Variants in FRMD4B observed in about 807,000 individuals in gnomAD.
FRMD4B encodes the protein FERM domain-containing protein 4B.
FRMD4B carries 74 observed loss-of-function variants against 141.5 expected under a neutral mutation model. That is an observed-to-expected ratio of 0.52 (90% confidence interval 0.43 to 0.63). FRMD4B has a LOEUF of 0.63. Ranked by LOEUF, FRMD4B falls within the 30% of genes least tolerant of loss-of-function variation. The pLI is 0.00. For synonymous variants in FRMD4B, 506 were observed against 467.9 expected, an observed-to-expected ratio of 1.08 and a Z score of -1.05; for missense variants, 1,366 against 1,253.4, an observed-to-expected ratio of 1.09 and a Z score of -1.36.
At chr3:69,528,393 G>C (rs11917850) in intron 1 of FRMD4B, among the ~76,000 whole-genome samples, 36,258 of 149,058 alleles carry the variant, frequency 0.24, 4,654 homozygotes, top group African/African-American at 0.32. Context: ...GAGACACAGT[G>C]TCACTCTGTT....
chr3:69,518,715 G>A (rs1205346561), intron 1 of FRMD4B, among the ~76,000 whole-genome samples: 2 of 152,170 alleles, frequency 1.3e-5, no homozygotes, highest in African/African-American at 2.4e-5. Flanking sequence ...TTTTGAAGGT[G>A]AGCCAGTTAG....
intron 1 of FRMD4B, among the ~76,000 whole-genome samples, chr3:69,342,339 T>G (rs1702767371): frequency 6.6e-6 from 1 of 152,226 alleles, no homozygotes. Flanking sequence ...TGATCTCATG[T>G]GTCCAAATGA....
At chr3:69,468,705 C>G (rs1475688271) in intron 1 of FRMD4B, among the ~76,000 whole-genome samples, 1 of 152,154 alleles carries the variant, frequency 6.6e-6, no homozygotes, top group Non-Finnish European at 1.5e-5. Context: ...TGCTACTAGT[C>G]TGAAGATGAA....
rs189432634 is a variant in FRMD4B at position 69,295,873 on chromosome 3, A to G, written c.416+6470T>C. Among the ~76,000 whole-genome samples, 288 of 151,996 alleles carry G rather than the reference A, an allele frequency of 1.9e-3. 1 individual carries two copies. Among genetic ancestry groups the G allele is most frequent in the Non-Finnish European group, 3.2e-3 (217 of 67,962 alleles). On this transcript the variant is annotated intron_variant, in intron 4 of 22. Coordinates refer to ENST00000398540, the MANE Select transcript of FRMD4B (RefSeq NM_015123.3). ...GCTCTGTTGCCCAGGCTGCAGTGCA[A>G]TGGCGTGATCTTGGCTCACTACAAC...
intron 1 of FRMD4B, among the ~76,000 whole-genome samples, chr3:69,485,385 A>C (rs1408818374): frequency 6.6e-6 from 1 of 152,096 alleles, no homozygotes; most frequent in African/African-American, 2.4e-5. Context: ...CTGGAGCTGC[A>C]CCAGGGTGGG....
chr3:69,526,980 C>A (rs2107144807), intron 1 of FRMD4B, among the ~76,000 whole-genome samples: 1 of 152,282 alleles, frequency 6.6e-6, no homozygotes, highest in South Asian at 2.1e-4. Flanking sequence ...ACTTCAAATT[C>A]CCAGGTCTTT....
chr3:69,444,052 C>G (rs1705376051), intron 1 of FRMD4B, among the ~76,000 whole-genome samples: 4 of 152,194 alleles, frequency 2.6e-5, no homozygotes, highest in Admixed American at 2.6e-4. Context: ...GTGGCCCCCA[C>G]CCAGAGGCTG....
intron 1 of FRMD4B, among the ~76,000 whole-genome samples, chr3:69,327,238 C>T (rs1702216785): frequency 3.3e-5 from 5 of 152,204 alleles, no homozygotes; most frequent in Admixed American, 3.3e-4. Context: ...CCGTGAAAAA[C>T]AACCTGTAGG....
intron 1 of FRMD4B, among the ~76,000 whole-genome samples, chr3:69,533,380 A>G (rs1344192058): frequency 6.6e-6 from 1 of 152,096 alleles, no homozygotes; most frequent in Non-Finnish European, 1.5e-5. Context: ...TAGCTGTGTG[A>G]TTTTGGACAA....
chr3:69,512,707 C>T (rs1706708967), intron 1 of FRMD4B, among the ~76,000 whole-genome samples: 6 of 152,174 alleles, frequency 3.9e-5, no homozygotes, highest in Admixed American at 3.9e-4. Flanking sequence ...ATGAACACAG[C>T]TGATTGCAAA....
At chr3:69,496,637 A>AGAGAGAGAGAGAGAG (rs1706399949) in intron 1 of FRMD4B, among the ~76,000 whole-genome samples, 3 of 56,520 alleles carry the variant, frequency 5.3e-5, no homozygotes, top group Non-Finnish European at 3.3e-5. Context: ...GAGAGAGAGA[A>AGAGAGAGAGAGAGAG]AGAGAGAGAG....
intron 1 of FRMD4B, among the ~76,000 whole-genome samples, chr3:69,534,055 A>C (rs778130968): frequency 2.6e-5 from 4 of 152,230 alleles, no homozygotes; most frequent in Non-Finnish European, 5.9e-5. Context: ...TTAGAAATGC[A>C]GTCTCAGGCC....
intron 1 of FRMD4B, among the ~76,000 whole-genome samples, chr3:69,445,544 C>T (rs1019192381): frequency 1.9e-4 from 29 of 152,230 alleles, no homozygotes; most frequent in African/African-American, 6.8e-4. Flanking sequence ...TAGACTAACA[C>T]TTAAACTCCA....
chr3:69,355,165 T>C (rs1053469422), intron 1 of FRMD4B, among the ~76,000 whole-genome samples: 2 of 152,186 alleles, frequency 1.3e-5, no homozygotes, highest in Admixed American at 6.5e-5. Flanking sequence ...AAGAGGACTT[T>C]TGTTCCAGTG....
At chr3:69,192,668 G>T (rs2092851070) in intron 17 of FRMD4B, among the ~76,000 whole-genome samples, 1 of 152,116 alleles carries the variant, frequency 6.6e-6, no homozygotes, top group Non-Finnish European at 1.5e-5. Context: ...TTTCACAACT[G>T]TTAGTATTTT....
chr3:69,395,379 C>T (rs948941925), intron 2 of FRMD4B, among the ~76,000 whole-genome samples: 1 of 152,028 alleles, frequency 6.6e-6, no homozygotes, highest in African/African-American at 2.4e-5. Flanking sequence ...CCTAGGTGTA[C>T]ATAGTACTGA....
In FRMD4B at chr3:69,196,341, GTC is replaced by G; in HGVS notation, c.1146_1147del (p.Glu382AspfsTer23). On this transcript the variant is annotated frameshift_variant, in exon 14 of 23. Transcript: ENST00000398540. LOFTEE classifies it high-confidence loss of function. The stretch of plus-strand genomic sequence containing the variant: ...CAGCTTGGAGGCCCTTTGTGTTCCT[GTC>G]TCTGTCAAATCCATTGCAATCTCAT... The G allele has an allele frequency of 1.2e-6, 2 of 1,610,942 alleles. No homozygotes were observed. Among genetic ancestry groups the G allele is most frequent in the Non-Finnish European group, 1.7e-6 (2 of 1,178,402 alleles).
chr3:69,275,987 A>G (rs2093616289), intron 5 of FRMD4B, among the ~76,000 whole-genome samples: 1 of 152,162 alleles, frequency 6.6e-6, no homozygotes, highest in South Asian at 2.1e-4. Flanking sequence ...ATAATACTAT[A>G]TTGACTGTTC....
chr3:69,539,143 A>T (rs1701128325), intron 1 of FRMD4B, among the ~76,000 whole-genome samples: 1 of 152,232 alleles, frequency 6.6e-6, no homozygotes, highest in Non-Finnish European at 1.5e-5. Flanking sequence ...GTGTAAGATA[A>T]CTATGAAGAT....
Sources: allele counts gnomAD v4.1 joint callset (sites outside exome capture counted in the v4.1 genomes callset), GRCh38; gene constraint gnomAD v4.1.1; transcripts MANE v1.5; gene names NCBI Gene and HGNC (gene_info 2026-07-23, HGNC 2026-07-21).